Variants in ZNF728 observed in about 807,000 individuals in gnomAD.
ZNF728 encodes zinc finger protein 728.
Under a neutral mutation model 12.5 loss-of-function variants are expected in ZNF728, and 12 were observed. The observed-to-expected ratio is 0.96, with a 90% confidence interval of 0.61 to 1.55. The LOEUF is 1.55. Ranked by LOEUF, ZNF728 falls within the 40% of genes most tolerant of loss-of-function variation. The probability of loss-of-function intolerance (pLI) is 0.00; values close to 1 mark genes in which losing one functional copy is unlikely to be tolerated. For missense variants in ZNF728, 692 were observed against 719.2 expected (o/e 0.96, Z 0.43); for synonymous variants, 205 against 240.7 (o/e 0.85, Z 1.37).
At position 22,976,727 on chromosome 19, in the gene ZNF728, C is replaced by T; in HGVS notation, c.610G>A (p.Glu204Lys). The T allele has an allele frequency of 6.2e-7, 1 of 1,613,396 alleles. No homozygotes were observed. Among genetic ancestry groups the T allele is most frequent in the Admixed American group, 1.7e-5 (1 of 59,916 alleles). ...IYTRENSYKSEEHGKAFNWSS... is the reference protein window; with the variant it reads ...IYTRENSYKSKEHGKAFNWSS... ...CAGTTAAAGGCTTTGCCATGTTCTTCACTTTTGTAGGAATTCTCTCTAGTA... is the reference window on the plus strand; with the variant it reads ...CAGTTAAAGGCTTTGCCATGTTCTTTACTTTTGTAGGAATTCTCTCTAGTA... The change falls in exon 4 of 4, where the codon GAA becomes AAA. Residue 204 changes from glutamate (E) to lysine (K), a missense_variant. Transcript: ENST00000594710.
chr19:22,988,241 C>A lies in ZNF728; in HGVS notation c.130+84G>T. The A allele has an allele frequency of 6.3e-6, 10 of 1,596,938 alleles. No homozygotes were observed. The South Asian group carries it at 1.1e-4, about 18-fold the overall frequency. On this transcript the variant is annotated intron_variant, in intron 2 of 3. Transcript: ENST00000594710. Reference sequence around the variant, plus strand: ...TGTCTGCCTTTATTCCTGCATTCATCCTCCTTTGTCCAGGCCAATAAAGTC... The same window carrying A: ...TGTCTGCCTTTATTCCTGCATTCATACTCCTTTGTCCAGGCCAATAAAGTC...
rs1291727323 is a variant in ZNF728 at position 23,002,823 on chromosome 19, G to T, written c.3+205C>A. Among the ~76,000 whole-genome samples, 5 of 152,188 alleles carry T rather than the reference G, an allele frequency of 3.3e-5. No individual in the cohort carries two copies. The East Asian group carries it at 9.7e-4, about 29-fold the overall frequency. On this transcript the variant is annotated intron_variant, in intron 1 of 3. Coordinates refer to ENST00000594710, the MANE Select transcript of ZNF728 (RefSeq NM_001267716.2). ...GGCCAGGGCACAATCACAGCGCAGG[G>T]AAAAGACAGGACGCCCGGGGACCGG...
rs1265376720 is a variant in ZNF728, at chr19:23,002,915, G to A, written c.3+113C>T. ...GTCGAGCTAGGCAAGGAGAACACGG[G>A]GCACAGATTGTGGAGCTGACTGAGA... On this transcript the variant is annotated intron_variant, in intron 1 of 3. Transcript: ENST00000594710. 3.6e-6 allele frequency: 5 copies of A among 1,405,636 alleles called. No individual in the cohort carries two copies. The East Asian group carries it at 1.2e-4, about 35-fold the overall frequency. 87.1% of individuals were successfully genotyped at this position (1,405,636 alleles called of 1,614,324 possible). A position where few individuals can be genotyped will look rare whatever the true frequency, so the allele number is the denominator to read the frequency against.
At chr19:22,989,034 A>G (rs1968952599) in intron 1 of ZNF728, among the ~76,000 whole-genome samples, 1 of 147,544 alleles carries the variant, frequency 6.8e-6, no homozygotes, top group Non-Finnish European at 1.5e-5. Context: ...CTGGGCAACA[A>G]GAGCGAAACT....
At chr19:22,977,151 A>G in intron 3 of ZNF728, 41 bp from the exon 4 acceptor site, 1 of 1,467,192 alleles carries the variant, frequency 6.8e-7, no homozygotes, top group Non-Finnish European at 9.0e-7. Flanking sequence ...CACTTATTAG[A>G]TAAATATAGT....
intron 3 of ZNF728, among the ~76,000 whole-genome samples, chr19:22,977,713 C>T (rs541172643): frequency 6.6e-6 from 1 of 152,262 alleles, no homozygotes; most frequent in Admixed American, 6.5e-5. Flanking sequence ...AAGGTAAGCA[C>T]AAAATTTCAG....
At chr19:23,000,552 A>G (rs1969097027) in intron 1 of ZNF728, among the ~76,000 whole-genome samples, 1 of 151,970 alleles carries the variant, frequency 6.6e-6, no homozygotes, top group Non-Finnish European at 1.5e-5. Context: ...CTACTAATAA[A>G]ATGCAATTTA....
chr19:22,987,985 G>A (rs1294638035), intron 2 of ZNF728, among the ~76,000 whole-genome samples: 14 of 152,144 alleles, frequency 9.2e-5, no homozygotes, highest in Admixed American at 9.2e-4. Context: ...GGTACACTAA[G>A]GACAGTCACC....
chr19:22,988,182 A>C, intron 2 of ZNF728, 143 bp downstream of exon 2: 1 of 1,442,238 alleles, frequency 6.9e-7, no homozygotes, highest in South Asian at 1.4e-5. Flanking sequence ...AGAAGCAAAG[A>C]GCCCCCTGGT....
chr19:22,980,170 C>T (rs1968846034), intron 3 of ZNF728, among the ~76,000 whole-genome samples: 1 of 113,924 alleles, frequency 8.8e-6, no homozygotes, highest in East Asian at 2.5e-4. Flanking sequence ...GAATAGTTAC[C>T]AAGCAAATGG....
intron 1 of ZNF728, among the ~76,000 whole-genome samples, chr19:22,988,723 A>G (rs758273985): frequency 3.3e-5 from 5 of 152,198 alleles, no homozygotes; most frequent in Admixed American, 1.3e-4. Flanking sequence ...AAACACTAAC[A>G]TGTACAATTT....
chr19:22,977,049 T>G lies in ZNF728; in HGVS notation c.288A>C (p.Gln96His). Residue 96 changes from glutamine to histidine, a missense_variant, in exon 4 of 4, where the codon CAA (glutamine) becomes CAC (histidine). Gln to His is a conservative substitution (Grantham distance 24). Around this residue, in one of 3 missense-constraint regions of ZNF728, gnomAD observed 440 missense variants for 459.6 expected, o/e 0.96. Transcript: ENST00000594710. ...TTTCATATCTTCTCAATATCACTTT[T>G]TGGAAAGAATCTTCTCTGCCCTGCT... The part of the protein sequence containing the change: ...WPEQGREDSF[Q>H]KVILRRYEKC... 3 of 1,612,842 alleles carry G rather than the reference T, an allele frequency of 1.9e-6. No individual in the cohort carries two copies. Among genetic ancestry groups the G allele is most frequent in the Non-Finnish European group, 2.5e-6 (3 of 1,179,558 alleles).
rs1313417994 is a variant in ZNF728, at chr19:22,976,671, A to G, written c.666T>C (p.His222=). ...WSSALTYKRI[H]TGEKPCKCEE... The stretch of plus-strand genomic sequence containing the variant: ...CACATTTGCAGGGTTTCTCTCCAGT[A>G]TGAATTCTCTTATAAGTAAGGGCTG... Residue 222 remains histidine, a synonymous_variant, in exon 4 of 4, where the codon CAT becomes CAC. Transcript: ENST00000594710. 1.9e-6 allele frequency: 3 copies of G among 1,613,108 alleles called. No homozygotes were observed. Among genetic ancestry groups the G allele is most frequent in the African/African-American group, 2.7e-5 (2 of 74,938 alleles).
intron 3 of ZNF728, 39 bp downstream of exon 3, chr19:22,987,269 G>A: frequency 6.4e-7 from 1 of 1,570,726 alleles, no homozygotes; most frequent in African/African-American, 1.4e-5. Context: ...CTTGACTTTG[G>A]ACCTCTCATC....
At chr19:22,990,149 A>T (rs553002668) in intron 1 of ZNF728, among the ~76,000 whole-genome samples, 177 of 152,284 alleles carry the variant, frequency 1.2e-3, no homozygotes, top group African/African-American at 4.0e-3. Flanking sequence ...AGACAAACTC[A>T]TTAGGGAGGA....
Position 22,976,293 on chromosome 19 carries a change from G to A in ZNF728, c.1044C>T (p.Ala348=). The stretch of plus-strand genomic sequence containing the variant: ...TAGTAAGGGTTGAGAAGTTACCAAA[G>A]GCTTTGCCACATTCTTCACATTTGC... The part of the protein sequence containing the change: ...KPCKCEECGK[A]FGNFSTLTKH... The change falls in exon 4 of 4, where the codon GCC becomes GCT. Residue 348 remains alanine (A), a synonymous_variant. Coordinates refer to ENST00000594710, the MANE Select transcript of ZNF728 (RefSeq NM_001267716.2). The A allele has an allele frequency of 6.2e-7, 1 of 1,613,064 alleles. No homozygotes were observed. The highest frequency in any genetic ancestry group is 2.2e-5 in the East Asian group (1 of 44,814).
intron 1 of ZNF728, among the ~76,000 whole-genome samples, chr19:22,998,671 A>G (rs1325561416): frequency 1.3e-5 from 2 of 152,238 alleles, no homozygotes; most frequent in African/African-American, 4.8e-5. Flanking sequence ...ACAGGTTTCA[A>G]ATAAAATATA....
At chr19:22,985,416 C>T (rs573116260) in intron 3 of ZNF728, among the ~76,000 whole-genome samples, 16 of 152,046 alleles carry the variant, frequency 1.1e-4, no homozygotes, top group Non-Finnish European at 2.4e-4. Flanking sequence ...TGCTTCAGGC[C>T]AAAATTTTAA....
chr19:22,976,437 A>C lies in ZNF728; in HGVS notation c.900T>G (p.Thr300=), dbSNP rs1301862604. ...CTCCAGCATGAATTGTCTTATGTGC[A>C]GTAAGGGTTGAGGCCTTACTAAAGG... ...GKAFSKASTL[T]AHKTIHAGEK... The change falls in exon 4 of 4, where the codon ACT becomes ACG. Residue 300 remains threonine, a synonymous_variant. Coordinates refer to ENST00000594710, the MANE Select transcript of ZNF728 (RefSeq NM_001267716.2). The C allele has an allele frequency of 1.2e-6, 2 of 1,613,114 alleles. No homozygotes were observed. Among genetic ancestry groups the C allele is most frequent in the Admixed American group, 3.3e-5 (2 of 59,962 alleles).
Sources: gnomAD v4.1 joint callset for allele counts (sites outside exome capture counted in the v4.1 genomes callset) on GRCh38, gnomAD v4.1.1 for gene constraint, gnomAD v4.1.1 regional missense constraint, MANE v1.5 for transcripts, NCBI Gene and HGNC (gene_info 2026-07-23, HGNC 2026-07-21) for gene names.